SUPT3H: variants seen among roughly 807,000 people sequenced by gnomAD.
SUPT3H encodes transcription initiation protein SPT3 homolog.
Under a neutral mutation model 44.3 loss-of-function variants are expected in SUPT3H, and 44 were observed. That is an observed-to-expected ratio of 0.99 (90% CI 0.78 to 1.28). The LOEUF is 1.28. SUPT3H is among the 50% of genes most tolerant of loss of function. The pLI is 0.00. For synonymous variants in SUPT3H, 124 were observed against 125.6 expected (o/e 0.99, Z 0.09); for missense variants, 380 against 387.1 (o/e 0.98, Z 0.15).
chr6:44,890,348 T>C (rs1763074106), intron 10 of SUPT3H, among the ~76,000 whole-genome samples: 1 of 151,368 alleles, frequency 6.6e-6, no homozygotes, highest in African/African-American at 2.4e-5. Context: ...AGCAAAGACT[T>C]GGAACCAACC....
intron 2 of SUPT3H, among the ~76,000 whole-genome samples, chr6:45,193,311 T>C (rs1179466554): frequency 1.3e-5 from 2 of 152,184 alleles, no homozygotes; most frequent in Non-Finnish European, 2.9e-5. Context: ...AAAAGTTTAA[T>C]GTCCTAAATA....
rs900675736 is a variant in SUPT3H, at chr6:44,827,830, G to A, written c.*1986C>T. 5.0e-5 allele frequency among the ~76,000 whole-genome samples: 7 copies of A among 140,102 alleles called. No individual in the cohort carries two copies. The East Asian group carries it at 1.0e-3, about 21-fold the overall frequency. The allele number at this position is 140,102 out of a possible 152,430, so 91.9% of individuals were successfully genotyped here. A position where few individuals can be genotyped will look rare whatever the true frequency, so the allele number is the denominator to read the frequency against. On this transcript the variant is annotated 3_prime_UTR_variant, in exon 11 of 11. Coordinates refer to ENST00000371459, the MANE Select transcript of SUPT3H (RefSeq NM_003599.4). ...TTCTAAATTCAGCTTACTGGCTTAT[G>A]ATGAAAAATGAAAGGTTTTATATGA...
At chr6:45,294,235 A>T (rs987888171) in intron 2 of SUPT3H, among the ~76,000 whole-genome samples, 4 of 152,178 alleles carry the variant, frequency 2.6e-5, no homozygotes, top group African/African-American at 7.2e-5. Context: ...AAATCACATG[A>T]TCATCTCAAT....
At chr6:45,181,118 C>T (rs1287911405) in intron 2 of SUPT3H, among the ~76,000 whole-genome samples, 3 of 149,214 alleles carry the variant, frequency 2.0e-5, no homozygotes, top group Admixed American at 6.7e-5. Flanking sequence ...TGAAAAAATG[C>T]TCACCATCGC....
chr6:45,176,825 G>A (rs927601187), intron 2 of SUPT3H, among the ~76,000 whole-genome samples: 6 of 151,748 alleles, frequency 4.0e-5, no homozygotes, highest in Non-Finnish European at 7.4e-5. Context: ...CTGACACAAG[G>A]CCAGGTACTC....
At chr6:44,888,574 G>C (rs535564012) in intron 10 of SUPT3H, among the ~76,000 whole-genome samples, 23 of 152,138 alleles carry the variant, frequency 1.5e-4, no homozygotes, top group African/African-American at 4.1e-4. Context: ...AACCCTTCAT[G>C]CTAAAAACTC....
At position 45,058,561 on chromosome 6, in the gene SUPT3H, G is replaced by A. The variant is rs180814892; in HGVS notation, c.187-37929C>T. Among the ~76,000 whole-genome samples the A allele has an allele frequency of 3.1e-3, 472 of 152,112 alleles. 2 individuals carry two copies. The highest frequency in any genetic ancestry group is 4.7e-3 in the Non-Finnish European group (321 of 67,950). On this transcript the variant is annotated intron_variant, in intron 3 of 10. Coordinates refer to ENST00000371459, the MANE Select transcript of SUPT3H (RefSeq NM_003599.4). ...TTTCAGTTTGGGGATACACCCTGGC[G>A]AGGCCCTTATCAGAAGTACCTGTGG...
intron 3 of SUPT3H, among the ~76,000 whole-genome samples, chr6:45,065,450 T>C (rs893736068): frequency 2.0e-5 from 3 of 146,592 alleles, no homozygotes; most frequent in Admixed American, 6.8e-5. Flanking sequence ...AGGCAAGAAA[T>C]AACTAAAATC....
At chr6:45,282,943 G>C (rs1778441259) in intron 2 of SUPT3H, among the ~76,000 whole-genome samples, 2 of 152,034 alleles carry the variant, frequency 1.3e-5, no homozygotes, top group East Asian at 1.9e-4. Context: ...ACATTCTTAA[G>C]GAAAAGAATT....
intron 10 of SUPT3H, among the ~76,000 whole-genome samples, chr6:44,855,546 T>C (rs1442895949): frequency 6.6e-6 from 1 of 152,188 alleles, no homozygotes; most frequent in East Asian, 1.9e-4. Context: ...CGTATTTGAT[T>C]CTTGGTCAAT....
chr6:44,856,466 GTTTCAAGTAT>G (rs1773747608), intron 10 of SUPT3H, among the ~76,000 whole-genome samples: 1 of 152,164 alleles, frequency 6.6e-6, no homozygotes, highest in South Asian at 2.1e-4. Flanking sequence ...AAAATAAACA[GTTTCAAGTAT>G]TTGCAACATA....
intron 2 of SUPT3H, among the ~76,000 whole-genome samples, chr6:45,346,621 G>A (rs1282029700): frequency 1.4e-5 from 2 of 146,142 alleles, no homozygotes; most frequent in Non-Finnish European, 3.0e-5. Flanking sequence ...AGGCCAAAGT[G>A]CAGTGGTGCG....
At chr6:45,153,410 G>C (rs1807266869) in intron 2 of SUPT3H, among the ~76,000 whole-genome samples, 1 of 152,138 alleles carries the variant, frequency 6.6e-6, no homozygotes. Context: ...ACAACAAGTA[G>C]ATATCAGAAT....
chr6:45,007,737 C>T (rs928811483), intron 5 of SUPT3H, among the ~76,000 whole-genome samples: 1 of 142,570 alleles, frequency 7.0e-6, no homozygotes, highest in African/African-American at 2.6e-5. Context: ...TTCCCCCCCA[C>T]TTTTTTTTTT....
intron 3 of SUPT3H, among the ~76,000 whole-genome samples, chr6:45,049,323 T>C: frequency 6.6e-6 from 1 of 152,100 alleles, no homozygotes; most frequent in Non-Finnish European, 1.5e-5. Flanking sequence ...TCAGGGATGC[T>C]CCAAGGGGCC....
chr6:45,334,280 T>C (rs1275976201), intron 2 of SUPT3H, among the ~76,000 whole-genome samples: 1 of 151,082 alleles, frequency 6.6e-6, no homozygotes, highest in Non-Finnish European at 1.5e-5. Flanking sequence ...CCAGAATCAT[T>C]ATATACCATC....
chr6:45,045,081 T>C (rs1179149964), intron 3 of SUPT3H, among the ~76,000 whole-genome samples: 1 of 152,092 alleles, frequency 6.6e-6, no homozygotes, highest in Non-Finnish European at 1.5e-5. Flanking sequence ...TCATGACTCA[T>C]GGGAAGAATG....
chr6:44,977,793 A>G (rs542283758), intron 6 of SUPT3H, among the ~76,000 whole-genome samples: 73 of 152,326 alleles, frequency 4.8e-4, no homozygotes, highest in African/African-American at 1.7e-3. Flanking sequence ...CATTACTACT[A>G]CATGTTACAA....
intron 3 of SUPT3H, among the ~76,000 whole-genome samples, chr6:45,087,841 C>G (rs529080570): frequency 1.3e-5 from 2 of 151,946 alleles, no homozygotes; most frequent in East Asian, 3.9e-4. Context: ...TTTCTTCACA[C>G]AATATTCTGA....
Sources: allele counts gnomAD v4.1 joint callset (sites outside exome capture counted in the v4.1 genomes callset), GRCh38; gene constraint gnomAD v4.1.1; transcripts MANE v1.5; gene names NCBI Gene and HGNC (gene_info 2026-07-23, HGNC 2026-07-21).